The following TBC1D32 variants were observed in gnomAD, a reference collection of about 807,000 sequenced individuals.
TBC1D32 encodes protein broad-minded.
TBC1D32 carries 151 observed loss-of-function variants against 170.3 expected under a neutral mutation model. The observed-to-expected ratio is 0.89, with a 90% CI of 0.78 to 1.01. TBC1D32 has a LOEUF of 1.01. Among genes scored for constraint, TBC1D32 ranks in the 50% least tolerant of loss-of-function variants. TBC1D32 has a pLI of 0.00. For missense variants in TBC1D32, 1,464 were observed against 1,457.1 expected, an observed-to-expected ratio of 1.00 and a Z score of -0.08; for synonymous variants, 498 against 488.0, an observed-to-expected ratio of 1.02 and a Z score of -0.27.
At chr6:121,095,557 T>C (rs770458762) in intron 30 of TBC1D32, among the ~76,000 whole-genome samples, 20 of 152,158 alleles carry the variant, frequency 1.3e-4, no homozygotes, top group African/African-American at 4.6e-4. Flanking sequence ...CAGCATGATA[T>C]TGGCTGTGAG....
At chr6:121,102,454 T>C (rs1360005965) in intron 30 of TBC1D32, among the ~76,000 whole-genome samples, 1 of 152,134 alleles carries the variant, frequency 6.6e-6, no homozygotes, top group Non-Finnish European at 1.5e-5. Context: ...AACCATCTGA[T>C]CTTTGACAAA....
At chr6:121,133,125 A>C (rs982816958) in intron 24 of TBC1D32, among the ~76,000 whole-genome samples, 1 of 151,910 alleles carries the variant, frequency 6.6e-6, no homozygotes, top group African/African-American at 2.4e-5. Flanking sequence ...ACACTACAAA[A>C]TCATCTACCT....
chr6:121,104,426 T>C (rs1453720548), intron 30 of TBC1D32, among the ~76,000 whole-genome samples: 3 of 151,748 alleles, frequency 2.0e-5, no homozygotes, highest in Non-Finnish European at 2.9e-5. Context: ...TTCTCTCTAA[T>C]AGACTCTACT....
chr6:121,254,343 T>G lies in TBC1D32; in HGVS notation c.2018+985A>C, dbSNP rs554696508. 3.5e-3 allele frequency among the ~76,000 whole-genome samples: 534 copies of G among 152,128 alleles called. 1 individual carries two copies. Among genetic ancestry groups the G allele is most frequent in the African/African-American group, 0.012 (505 of 41,498 alleles). On this transcript the variant is annotated intron_variant, in intron 17 of 31. Coordinates refer to ENST00000398212, the MANE Select transcript of TBC1D32 (RefSeq NM_152730.6). ...AAGCTCAGAAATCACCACTGAAGAATGCATCCATGTAACCAAAAGCACCTG... is the reference window on the plus strand; with the variant it reads ...AAGCTCAGAAATCACCACTGAAGAAGGCATCCATGTAACCAAAAGCACCTG...
At chr6:121,258,076 A>T (rs952969720) in intron 15 of TBC1D32, among the ~76,000 whole-genome samples, 1 of 110,284 alleles carries the variant, frequency 9.1e-6, no homozygotes, top group African/African-American at 3.2e-5. Context: ...TATTATGAAG[A>T]TTTAGGTTTC....
At chr6:121,227,118 G>T (rs561332760) in intron 20 of TBC1D32, among the ~76,000 whole-genome samples, 1 of 152,166 alleles carries the variant, frequency 6.6e-6, no homozygotes, top group Admixed American at 6.5e-5. Flanking sequence ...TTTGTGCTGC[G>T]CCACATTCAA....
chr6:121,176,959 C>T (rs1030121048), intron 22 of TBC1D32, among the ~76,000 whole-genome samples: 1 of 152,120 alleles, frequency 6.6e-6, no homozygotes, highest in Non-Finnish European at 1.5e-5. Context: ...CGAAAGCCTG[C>T]AGTTTTATGT....
intron 24 of TBC1D32, among the ~76,000 whole-genome samples, chr6:121,153,096 T>C (rs1304962187): frequency 6.6e-6 from 1 of 152,170 alleles, no homozygotes. Flanking sequence ...GTTTTTGGAC[T>C]TGTTGGCTTT....
chr6:121,082,463 C>T (rs190858230), intron 31 of TBC1D32, among the ~76,000 whole-genome samples: 12 of 152,070 alleles, frequency 7.9e-5, no homozygotes, highest in Admixed American at 5.2e-4. Flanking sequence ...TTAACTACCT[C>T]TTCACTAAAA....
chr6:121,239,127 A>C lies in TBC1D32; in HGVS notation c.2307T>G (p.Val769=), dbSNP rs368342963. The stretch of plus-strand genomic sequence containing the variant: ...GAGTAGTTCTGGGATGGGTTACCCT[A>C]ACATCATCTCTTCCATATTCCAGAT... ...WSNLEYGRDD[V]RVTHPRTTPV... The change falls in exon 20 of 32, where the codon GTT becomes GTG. Residue 769 remains valine, a synonymous_variant. Coordinates refer to ENST00000398212, the MANE Select transcript of TBC1D32 (RefSeq NM_152730.6). 1 of 1,606,248 alleles carries C rather than the reference A, an allele frequency of 6.2e-7. No individual in the cohort carries two copies. Among genetic ancestry groups the C allele is most frequent in the South Asian group, 1.1e-5 (1 of 90,052 alleles).
At chr6:121,111,620 T>G (rs1269916157) in intron 29 of TBC1D32, among the ~76,000 whole-genome samples, 1 of 152,198 alleles carries the variant, frequency 6.6e-6, no homozygotes, top group Non-Finnish European at 1.5e-5. Flanking sequence ...TTTCTCATTA[T>G]GGTGAAGAAC....
chr6:121,303,118 T>C (rs1286501768), intron 9 of TBC1D32, among the ~76,000 whole-genome samples: 2 of 152,142 alleles, frequency 1.3e-5, no homozygotes, highest in Non-Finnish European at 2.9e-5. Flanking sequence ...CTCTTACTAG[T>C]AGTTTCAGTT....
chr6:121,268,668 C>T (rs1800892813), intron 15 of TBC1D32, among the ~76,000 whole-genome samples: 1 of 152,114 alleles, frequency 6.6e-6, no homozygotes, highest in South Asian at 2.1e-4. Context: ...GAGAATGAAA[C>T]CAAGTTGGAA....
chr6:121,099,624 T>C (rs993793412), intron 30 of TBC1D32, among the ~76,000 whole-genome samples: 6 of 151,948 alleles, frequency 3.9e-5, no homozygotes, highest in African/African-American at 1.4e-4. Context: ...TGTATCCAAA[T>C]AATTACTTAA....
intron 1 of TBC1D32, among the ~76,000 whole-genome samples, chr6:121,331,426 G>A (rs569129568): frequency 2.7e-4 from 41 of 149,400 alleles, no homozygotes; most frequent in Middle Eastern, 6.8e-3. Context: ...CACCATGTTC[G>A]CTAGGCTGGT....
intron 17 of TBC1D32, among the ~76,000 whole-genome samples, chr6:121,247,694 G>GAAAAAAAAAAAAA (rs1797780672): frequency 2.0e-4 from 1 of 4,936 alleles, no homozygotes; most frequent in Non-Finnish European, 5.1e-4. Flanking sequence ...AGGCTTTAAA[G>GAAAAAAAAAAAAA]CAAAAAAAAA....
At chr6:121,277,487 C>CAAAAAAAA (rs755504493) in intron 15 of TBC1D32, among the ~76,000 whole-genome samples, 2 of 28,204 alleles carry the variant, frequency 7.1e-5, no homozygotes, top group East Asian at 8.4e-4. Flanking sequence ...GACTCCATCT[C>CAAAAAAAA]AAAAAAAAAA....
intron 24 of TBC1D32, among the ~76,000 whole-genome samples, chr6:121,136,178 A>C (rs1782053176): frequency 6.6e-6 from 1 of 152,184 alleles, no homozygotes; most frequent in African/African-American, 2.4e-5. Context: ...GAAAACACAA[A>C]CCAAAAGTAG....
chr6:121,180,451 T>TA (rs1188711389), intron 22 of TBC1D32, among the ~76,000 whole-genome samples: 7 of 152,124 alleles, frequency 4.6e-5, no homozygotes, highest in Admixed American at 1.3e-4. Flanking sequence ...TCTACACACT[T>TA]ACAGCCAACT....
Sources: allele counts gnomAD v4.1 joint callset (sites outside exome capture counted in the v4.1 genomes callset), GRCh38; gene constraint gnomAD v4.1.1; transcripts MANE v1.5; gene names NCBI Gene and HGNC (gene_info 2026-07-23, HGNC 2026-07-21).